Variants in NIN observed in about 807,000 individuals in gnomAD.
NIN encodes glycogen synthase kinase 3 beta-interacting protein.
Under a neutral mutation model 257.6 loss-of-function variants are expected in NIN, and 137 were observed. The ratio of observed to expected loss-of-function variants is 0.53; its 90% CI spans 0.46 to 0.61. NIN has a LOEUF of 0.61. Ranked by LOEUF, NIN falls within the 20% of genes least tolerant of loss-of-function variation. The pLI is 0.00. For synonymous variants in NIN, 918 were observed against 919.8 expected (o/e 1.00, Z 0.04); for missense variants, 2,439 against 2,501.2 (o/e 0.98, Z 0.53).
At chr14:50,788,283 C>T (rs1205627306) in intron 5 of NIN, among the ~76,000 whole-genome samples, 1 of 152,184 alleles carries the variant, frequency 6.6e-6, no homozygotes, top group East Asian at 1.9e-4. Context: ...ACAGTGGGCA[C>T]TATGAATAGG....
intron 4 of NIN, among the ~76,000 whole-genome samples, chr14:50,804,042 C>A (rs915872481): frequency 6.6e-6 from 1 of 152,002 alleles, no homozygotes; most frequent in African/African-American, 2.4e-5. Flanking sequence ...ACTACAGGTG[C>A]CTGCCACCAC....
At position 50,721,518 on chromosome 14, in the gene NIN, A is replaced by G. The variant is rs2040270249; in HGVS notation, c.*1945T>C. On this transcript the variant is annotated 3_prime_UTR_variant, in exon 31 of 31. Transcript: ENST00000530997. ...TAAATACACTACAGGTACTTAGTTT[A>G]TTTTTGTCCTTAGCCTAGGCCAATC... 1 of 217,590 alleles carries G rather than the reference A, an allele frequency of 4.6e-6. No homozygotes were observed. Among genetic ancestry groups the G allele is most frequent in the Non-Finnish European group, 9.3e-6 (1 of 107,970 alleles). The allele number at this position is 217,590 out of a possible 1,614,324, so 13.5% of individuals were successfully genotyped here.
At position 50,721,926 on chromosome 14, in the gene NIN, C is replaced by T. The variant is rs2040278020; in HGVS notation, c.*1537G>A. 2 of 226,294 alleles carry T rather than the reference C, an allele frequency of 8.8e-6. No individual in the cohort carries two copies. Among genetic ancestry groups the T allele is most frequent in the Non-Finnish European group, 1.8e-5 (2 of 113,624 alleles). 14.0% of individuals were successfully genotyped at this position (226,294 alleles called of 1,614,324 possible). On this transcript the variant is annotated 3_prime_UTR_variant, in exon 31 of 31. Transcript: ENST00000530997. ...TGAGATTGAGTTTCTGACATGATGA[C>T]TTCTTGGGCAGTTTGCTTTCTCTTG...
chr14:50,791,167 G>A (rs2043573391), intron 5 of NIN, among the ~76,000 whole-genome samples: 1 of 152,110 alleles, frequency 6.6e-6, no homozygotes, highest in Non-Finnish European at 1.5e-5. Flanking sequence ...CAGGGTTATA[G>A]AACAGACTTT....
At chr14:50,758,741 C>G in intron 17 of NIN, 111 bp from the exon 18 acceptor site, 1 of 961,744 alleles carries the variant, frequency 1.0e-6, no homozygotes, top group Non-Finnish European at 1.5e-6. Flanking sequence ...CTGAAATACT[C>G]CCTAAAAATG....
intron 16 of NIN, among the ~76,000 whole-genome samples, chr14:50,761,132 A>G (rs1185617059): frequency 6.6e-6 from 1 of 152,198 alleles, no homozygotes; most frequent in African/African-American, 2.4e-5. Context: ...GCAGAAAATA[A>G]AAGGTATACA....
At chr14:50,728,052 G>A (rs1335835493) in intron 29 of NIN, among the ~76,000 whole-genome samples, 2 of 140,908 alleles carry the variant, frequency 1.4e-5, no homozygotes, top group Admixed American at 7.0e-5. Context: ...TCTGGTTGGA[G>A]GATTTTTTTT....
At chr14:50,823,085 C>T (rs1448068395) in intron 2 of NIN, 1 of 441,394 alleles carries the variant, frequency 2.3e-6, no homozygotes, top group African/African-American at 2.0e-5. Flanking sequence ...ACGTCAATAA[C>T]TGAGTCATTT....
At chr14:50,784,910 A>G (rs2043279335) in intron 5 of NIN, among the ~76,000 whole-genome samples, 1 of 152,094 alleles carries the variant, frequency 6.6e-6, no homozygotes, top group South Asian at 2.1e-4. Context: ...GTCCTTCCTC[A>G]TTACTATGCC....
chr14:50,804,489 G>A lies in NIN; in HGVS notation c.265+2248C>T, dbSNP rs80170249. ...CACTGAGGTGGAGCAGTTTTGTGAC[G>A]AAGACTTACTGCCTACCCAAAGGAT... On this transcript the variant is annotated intron_variant, in intron 4 of 30. Transcript: ENST00000530997. 5.6e-3 allele frequency among the ~76,000 whole-genome samples: 857 copies of A among 152,290 alleles called. 9 individuals are homozygous for A. The highest frequency in any genetic ancestry group is 0.02 in the African/African-American group (815 of 41,548).
chr14:50,773,556 G>C (rs919143114), intron 7 of NIN, among the ~76,000 whole-genome samples: 3 of 152,186 alleles, frequency 2.0e-5, no homozygotes. Context: ...GGCTAGCACA[G>C]CAGAATTTGG....
At chr14:50,793,489 A>G (rs1446163958) in intron 4 of NIN, among the ~76,000 whole-genome samples, 1 of 152,232 alleles carries the variant, frequency 6.6e-6, no homozygotes, top group Admixed American at 6.5e-5. Context: ...ATCTCATTGT[A>G]AAATTAAAAA....
In NIN at chr14:50,822,046, A is replaced by G. The variant is rs1210116159; in HGVS notation, c.11T>C (p.Val4Ala). 6.2e-7 allele frequency: 1 copy of G among 1,613,108 alleles called. No individual in the cohort carries two copies. The highest frequency in any genetic ancestry group is 8.5e-7 in the Non-Finnish European group (1 of 1,179,392). MDE[V>A]EQDQHEARLK... is the part of the protein sequence containing the mutation. ...TCGGGCCTCATGCTGGTCCTGCTCC[A>G]CCTCATCCATCCCATAGCCCACAGT... The change falls in exon 3 of 31, where the codon GTG becomes GCG. Residue 4 changes from valine (V) to alanine (A), a missense_variant. By Grantham distance (64) the Val-to-Ala change is moderately conservative. This residue lies in a region of NIN where 387 missense variants were observed against 427.3 expected (regional missense o/e 0.91). Coordinates refer to ENST00000530997, the MANE Select transcript of NIN (RefSeq NM_020921.4).
Position 50,814,653 on chromosome 14 carries a change from A to G in NIN, c.183+7221T>C, listed in dbSNP as rs565953797. On this transcript the variant is annotated intron_variant, in intron 3 of 30. Transcript: ENST00000530997. ...CCACTTCAAACTGTACTACAAAGTTACAGTAACCAAAACAGCATGGTTCTG... is the reference window on the plus strand; with the variant it reads ...CCACTTCAAACTGTACTACAAAGTTGCAGTAACCAAAACAGCATGGTTCTG... Among the ~76,000 whole-genome samples the G allele has an allele frequency of 3.3e-5, 5 of 152,362 alleles. No individual in the cohort carries two copies. In the South Asian group the frequency reaches 1.0e-3, roughly 32 times the overall value.
intron 5 of NIN, among the ~76,000 whole-genome samples, chr14:50,779,135 A>AC (rs2141888950): frequency 6.6e-6 from 1 of 152,342 alleles, no homozygotes; most frequent in South Asian, 2.1e-4. Context: ...ACCAACAAGT[A>AC]TCTGTACACA....
chr14:50,827,729 C>T (rs1201781024), intron 2 of NIN, among the ~76,000 whole-genome samples: 28 of 145,670 alleles, frequency 1.9e-4, no homozygotes, highest in Non-Finnish European at 3.1e-4. Context: ...TGCACTCCAG[C>T]CCAGGAGAGA....
intron 30 of NIN, 110 bp downstream of exon 30, chr14:50,725,843 G>A (rs1258697593): frequency 1.0e-5 from 16 of 1,576,550 alleles, no homozygotes; most frequent in Non-Finnish European, 1.2e-5. Flanking sequence ...AATAGAATTT[G>A]CCTTTATTAG....
At chr14:50,740,699 C>G (rs896280719) in intron 25 of NIN, among the ~76,000 whole-genome samples, 3 of 152,156 alleles carry the variant, frequency 2.0e-5, no homozygotes, top group African/African-American at 7.2e-5. Context: ...CCAGGCTGGT[C>G]TTGAACTCCT....
At chr14:50,727,847 T>A in intron 29 of NIN, 1 of 1,098,360 alleles carries the variant, frequency 9.1e-7, no homozygotes, top group Non-Finnish European at 1.3e-6. Flanking sequence ...AAACAATTTT[T>A]AAAAGCACAC....
Sources: gnomAD v4.1 joint callset for allele counts (sites outside exome capture counted in the v4.1 genomes callset) on GRCh38, gnomAD v4.1.1 for gene constraint, gnomAD v4.1.1 regional missense constraint, MANE v1.5 for transcripts, NCBI Gene and HGNC (gene_info 2026-07-23, HGNC 2026-07-21) for gene names.